SPATA13: variants seen among roughly 807,000 people sequenced by gnomAD.
SPATA13 encodes spermatogenesis-associated protein 13.
Under a neutral mutation model 104.0 loss-of-function variants are expected in SPATA13, and 50 were observed. That is an observed-to-expected ratio of 0.48 (90% confidence interval 0.38 to 0.61). SPATA13 has a LOEUF of 0.61. Ranked by LOEUF, SPATA13 falls within the 20% of genes least tolerant of loss-of-function variation. The probability of loss-of-function intolerance (pLI) is 0.00; values close to 1 mark genes in which losing one functional copy is unlikely to be tolerated. For missense variants in SPATA13, 1,524 were observed against 1,690.6 expected, an observed-to-expected ratio of 0.90 and a Z score of 1.73; for synonymous variants, 606 against 667.5, an observed-to-expected ratio of 0.91 and a Z score of 1.42.
At chr13:23,988,205 CT>C (rs1460694545) in intron 2 of SPATA13, among the ~76,000 whole-genome samples, 1 of 152,204 alleles carries the variant, frequency 6.6e-6, no homozygotes, top group Non-Finnish European at 1.5e-5. Flanking sequence ...CCTTGGCCTC[CT>C]GAAGTGCTGG....
chr13:24,138,284 G>C lies in SPATA13; in HGVS notation c.-111-84535G>C, dbSNP rs373677211. Among the ~76,000 whole-genome samples the C allele has an allele frequency of 1.8e-3, 274 of 149,650 alleles. 3 individuals carry two copies. In the South Asian group the frequency reaches 0.027, roughly 15 times the overall value. On this transcript the variant is annotated intron_variant, in intron 3 of 14. Transcript: ENST00000424834. ...ATGCACCATTCCAGTCCAGCCCAGG[G>C]GACAGAGCAAGACTCCGTCTGAAAA...
intron 1 of SPATA13, among the ~76,000 whole-genome samples, chr13:24,168,973 C>A (rs568901865): frequency 2.0e-5 from 3 of 152,070 alleles, no homozygotes; most frequent in Admixed American, 2.0e-4. Context: ...TTGTTGTTTT[C>A]TTTTCTTCTT....
At chr13:24,112,040 C>A (rs1308032888) in intron 3 of SPATA13, among the ~76,000 whole-genome samples, 1 of 152,174 alleles carries the variant, frequency 6.6e-6, no homozygotes. Context: ...AGTTCTTTGG[C>A]CTCATCTTCT....
chr13:24,123,666 A>G (rs1051165084), intron 3 of SPATA13: 29 of 1,591,752 alleles, frequency 1.8e-5, no homozygotes, highest in Middle Eastern at 3.8e-4. Flanking sequence ...ATCAAACTTC[A>G]TGCATATATA....
chr13:24,218,609 A>G (rs1871388727), intron 1 of SPATA13, among the ~76,000 whole-genome samples: 2 of 152,192 alleles, frequency 1.3e-5, no homozygotes, highest in South Asian at 4.1e-4. Flanking sequence ...ATGTAAATCA[A>G]GCTTCTCTAA....
chr13:24,301,612 C>A (rs943091255), intron 12 of SPATA13, among the ~76,000 whole-genome samples: 2 of 152,160 alleles, frequency 1.3e-5, no homozygotes, highest in Non-Finnish European at 2.9e-5. Flanking sequence ...GGACGCTGTG[C>A]CTGGGTTATC....
At chr13:24,130,768 C>G (rs540598651) in intron 3 of SPATA13, among the ~76,000 whole-genome samples, 1 of 152,210 alleles carries the variant, frequency 6.6e-6, no homozygotes, top group African/African-American at 2.4e-5. Context: ...ATCAACAGAA[C>G]CTGCAAACAC....
chr13:24,008,599 AAG>A (rs894317594), intron 2 of SPATA13, among the ~76,000 whole-genome samples: 3 of 152,112 alleles, frequency 2.0e-5, no homozygotes, highest in African/African-American at 7.2e-5. Context: ...CAAGAAAGAA[AAG>A]AGCAATCTAG....
chr13:24,165,392 C>T (rs1882681898), intron 1 of SPATA13, among the ~76,000 whole-genome samples: 1 of 152,192 alleles, frequency 6.6e-6, no homozygotes, highest in Non-Finnish European at 1.5e-5. Flanking sequence ...TTCCCCTCCA[C>T]CCCCATTCAT....
chr13:24,284,291 C>T lies in SPATA13; in HGVS notation c.2301+20C>T, dbSNP rs748860242. On this transcript the variant is annotated intron_variant, in intron 5 of 12. Coordinates refer to ENST00000382108, the MANE Select transcript of SPATA13 (RefSeq NM_001166271.3). ...AATGAGGTACTGGAATTCCACACGA[C>T]AGTAGTGGATACGGGATACCTGATT... The T allele has an allele frequency of 6.2e-7, 1 of 1,609,638 alleles. No homozygotes were observed. The highest frequency in any genetic ancestry group is 1.1e-5 in the South Asian group (1 of 90,808).
chr13:24,168,185 T>A (rs941406733), intron 1 of SPATA13, among the ~76,000 whole-genome samples: 3 of 152,198 alleles, frequency 2.0e-5, no homozygotes, highest in African/African-American at 7.2e-5. Flanking sequence ...AAAACTGAGT[T>A]TACCCAGGAC....
chr13:24,135,979 C>T (rs1881552440), intron 3 of SPATA13, among the ~76,000 whole-genome samples: 1 of 152,174 alleles, frequency 6.6e-6, no homozygotes, highest in South Asian at 2.1e-4. Context: ...TTTTGATCTC[C>T]TGGAAACAAA....
chr13:24,226,435 C>G (rs998134734), intron 2 of SPATA13, among the ~76,000 whole-genome samples: 3 of 152,172 alleles, frequency 2.0e-5, no homozygotes, highest in African/African-American at 7.2e-5. Flanking sequence ...AGATCATAAG[C>G]ACCTCATTAA....
rs1876473102 is a variant in SPATA13 at position 24,011,607 on chromosome 13, G to A, written c.-146-6060G>A. On this transcript the variant is annotated intron_variant, in intron 2 of 14. Coordinates refer to the SPATA13 transcript ENST00000424834. The surrounding 1 kb of genome is among the most constrained non-coding windows in gnomAD (Gnocchi z 4.3). ...CAGACTAGCATGTCCCATGCACCAG[G>A]ACCCTCAGATCCACCAACAAGGCAC... Among the ~76,000 whole-genome samples, 2 of 152,186 alleles carry A rather than the reference G, an allele frequency of 1.3e-5. No individual in the cohort carries two copies. Among genetic ancestry groups the A allele is most frequent in the African/African-American group, 4.8e-5 (2 of 41,446 alleles).
At chr13:24,196,907 A>T (rs1177767764) in intron 1 of SPATA13, among the ~76,000 whole-genome samples, 3 of 152,114 alleles carry the variant, frequency 2.0e-5, no homozygotes, top group Non-Finnish European at 4.4e-5. Context: ...GGCTAGAAAA[A>T]AAAACAGTTT....
intron 3 of SPATA13, among the ~76,000 whole-genome samples, chr13:24,111,177 C>T (rs1427891888): frequency 1.3e-5 from 2 of 151,938 alleles, no homozygotes; most frequent in African/African-American, 4.8e-5. Flanking sequence ...CCCAAAGAGG[C>T]CAGATACATG....
At position 24,062,497 on chromosome 13, in the gene SPATA13, G is replaced by A. The variant is rs528756696; in HGVS notation, c.-112+44796G>A. Among the ~76,000 whole-genome samples the A allele has an allele frequency of 4.5e-3, 680 of 152,162 alleles. 8 individuals are homozygous for A. The highest frequency in any genetic ancestry group is 0.016 in the African/African-American group (646 of 41,538). On this transcript the variant is annotated intron_variant, in intron 3 of 14. Transcript: ENST00000424834. ...CTTCCCACCAGCCCTGCCGCTCCAGGGCTCTGTGAACCTGGGTCACCTCAC... is the reference window on the plus strand; with the variant it reads ...CTTCCCACCAGCCCTGCCGCTCCAGAGCTCTGTGAACCTGGGTCACCTCAC...
At chr13:24,084,174 C>A (rs1296428549) in intron 3 of SPATA13, among the ~76,000 whole-genome samples, 1 of 152,084 alleles carries the variant, frequency 6.6e-6, no homozygotes, top group Non-Finnish European at 1.5e-5. Flanking sequence ...TAGCAACAAG[C>A]GAGACGAGAG....
chr13:24,168,027 C>T (rs1200970876), intron 1 of SPATA13, among the ~76,000 whole-genome samples: 4 of 152,160 alleles, frequency 2.6e-5, no homozygotes, highest in Non-Finnish European at 4.4e-5. Context: ...ATTTCTGCCT[C>T]TTGATGACGT....
Sources: allele counts gnomAD v4.1 joint callset (sites outside exome capture counted in the v4.1 genomes callset), GRCh38; gene constraint gnomAD v4.1.1; non-coding constraint Gnocchi (gnomAD v3.1); transcripts MANE v1.5; gene names NCBI Gene and HGNC (gene_info 2026-07-23, HGNC 2026-07-21).